ZRANB3: variants seen among roughly 807,000 people sequenced by gnomAD.
ZRANB3 encodes the protein zinc finger RANBP2-type containing 3.
ZRANB3 carries 125 observed loss-of-function variants against 133.8 expected under a neutral mutation model. The observed-to-expected ratio is 0.93, with a 90% confidence interval of 0.81 to 1.08. ZRANB3 has a LOEUF of 1.08. ZRANB3 is among the 50% of genes least tolerant of loss of function. ZRANB3 has a pLI of 0.00. For synonymous variants in ZRANB3, 387 were observed against 432.7 expected (o/e 0.89, Z 1.31); for missense variants, 1,229 against 1,275.5 (o/e 0.96, Z 0.56).
chr2:135,412,028 A>AG lies in ZRANB3; in HGVS notation c.162-21209dup, dbSNP rs534197685. On this transcript the variant is annotated intron_variant, in intron 2 of 20. Transcript: ENST00000264159. ...ATACGGTTATCTCTTACTTAAACTA[A>AG]GGGCTTAGCACTGTGCTTGATGCTC... 1.6e-4 allele frequency among the ~76,000 whole-genome samples: 24 copies of AG among 152,314 alleles called. 1 individual carries two copies. In the South Asian group the frequency reaches 3.7e-3, roughly 24 times the overall value.
chr2:135,408,828 G>C (rs181870980), intron 2 of ZRANB3, among the ~76,000 whole-genome samples: 87 of 152,136 alleles, frequency 5.7e-4, no homozygotes, highest in Non-Finnish European at 8.8e-4. Context: ...CCTGTTGTGG[G>C]GTCGGGGGAT....
At chr2:135,389,429 A>G (rs1029043812) in intron 3 of ZRANB3, among the ~76,000 whole-genome samples, 1 of 152,064 alleles carries the variant, frequency 6.6e-6, no homozygotes, top group African/African-American at 2.4e-5. Flanking sequence ...ACTACAGGCC[A>G]GGCACTGTGG....
At chr2:135,313,708 A>G in intron 7 of ZRANB3, 103 bp from the exon 8 acceptor site, 1 of 621,948 alleles carries the variant, frequency 1.6e-6, no homozygotes, top group South Asian at 3.1e-5. Flanking sequence ...TTCTCTATAG[A>G]AAGATATAAA....
chr2:135,331,834 T>C (rs1684157823), intron 6 of ZRANB3, among the ~76,000 whole-genome samples: 1 of 152,196 alleles, frequency 6.6e-6, no homozygotes, highest in Non-Finnish European at 1.5e-5. Context: ...TGATCTTTGT[T>C]GGTTTAAAGT....
intron 11 of ZRANB3, among the ~76,000 whole-genome samples, chr2:135,267,774 C>T (rs1459439451): frequency 6.6e-6 from 1 of 152,102 alleles, no homozygotes; most frequent in African/African-American, 2.4e-5. Context: ...AAAAACATTT[C>T]ATTGAAAAAC....
chr2:135,275,872 G>T, intron 8 of ZRANB3, 117 bp from the exon 9 acceptor site: 1 of 782,372 alleles, frequency 1.3e-6, no homozygotes, highest in Non-Finnish European at 1.8e-6. Flanking sequence ...ACTTTTAGCT[G>T]CATTGTTCTC....
chr2:135,358,818 T>C (rs1685549704), intron 3 of ZRANB3, among the ~76,000 whole-genome samples: 1 of 152,104 alleles, frequency 6.6e-6, no homozygotes, highest in Non-Finnish European at 1.5e-5. Context: ...CTTACCCTTC[T>C]GCCCCAATTG....
intron 11 of ZRANB3, among the ~76,000 whole-genome samples, chr2:135,266,562 C>A (rs572256513): frequency 6.6e-6 from 1 of 151,702 alleles, no homozygotes; most frequent in Non-Finnish European, 1.5e-5. Context: ...GTCAGGAGTT[C>A]GAGACCAGCC....
At chr2:135,293,279 G>A (rs1681860197) in intron 8 of ZRANB3, among the ~76,000 whole-genome samples, 1 of 151,888 alleles carries the variant, frequency 6.6e-6, no homozygotes. Context: ...ATTGAGCAGT[G>A]GTTTGTAGTT....
Position 135,350,154 on chromosome 2 carries a change from T to C in ZRANB3, c.421A>G (p.Thr141Ala). 2 of 1,612,496 alleles carry C rather than the reference T, an allele frequency of 1.2e-6. No homozygotes were observed. The highest frequency in any genetic ancestry group is 1.7e-6 in the Non-Finnish European group (2 of 1,179,228). Reference sequence around the variant, plus strand: ...TGATTATTCAGTGCATCTATCAAAGTCTTTGCATCTGCGGTTAAGAGACCA... The same window carrying C: ...TGATTATTCAGTGCATCTATCAAAGCCTTTGCATCTGCGGTTAAGAGACCA... ...GYGLLTADAK[T>A]LIDALNNQNF... is the part of the protein sequence containing the mutation. The change falls in exon 5 of 21, where the codon ACT (threonine) becomes GCT (alanine). Residue 141 changes from threonine (T) to alanine (A), a missense_variant. By Grantham distance (58) the Thr-to-Ala change is moderately conservative. Coordinates refer to ENST00000264159, the MANE Select transcript of ZRANB3 (RefSeq NM_032143.4).
chr2:135,387,340 G>A lies in ZRANB3; in HGVS notation c.180+3462C>T, dbSNP rs1574018118. 3.3e-5 allele frequency among the ~76,000 whole-genome samples: 5 copies of A among 152,250 alleles called. No individual in the cohort carries two copies. The South Asian group carries it at 1.0e-3, about 32-fold the overall frequency. On this transcript the variant is annotated intron_variant, in intron 3 of 20. Coordinates refer to ENST00000264159, the MANE Select transcript of ZRANB3 (RefSeq NM_032143.4). Reference sequence around the variant, plus strand: ...CACCACTGTTTTATAATAAAAGCAAGAGAAGGAAAACCATATTAGAAAACA... The same window carrying A: ...CACCACTGTTTTATAATAAAAGCAAAAGAAGGAAAACCATATTAGAAAACA...
chr2:135,455,413 C>A (rs566599661), intron 2 of ZRANB3, among the ~76,000 whole-genome samples: 1 of 151,222 alleles, frequency 6.6e-6, no homozygotes, highest in East Asian at 2.0e-4. Flanking sequence ...GTTTTGAATC[C>A]CTGACTTCAT....
chr2:135,374,335 T>C (rs747865538), intron 3 of ZRANB3, among the ~76,000 whole-genome samples: 31 of 151,788 alleles, frequency 2.0e-4, no homozygotes, highest in Admixed American at 3.3e-4. Context: ...GAACCCAGGA[T>C]TGGGAGGCTG....
Position 135,405,234 on chromosome 2 carries a change from T to A in ZRANB3, c.162-14414A>T, listed in dbSNP as rs533703189. Among the ~76,000 whole-genome samples, 379 of 152,270 alleles carry A rather than the reference T, an allele frequency of 2.5e-3. 3 individuals carry two copies. The highest frequency in any genetic ancestry group is 6.8e-3 in the Middle Eastern group (2 of 294). ...AAAAGAGACAAAGAAGGCCGTTACA[T>A]AATGGTAAAGGGATAAGTTCAACAA... On this transcript the variant is annotated intron_variant, in intron 2 of 20. Transcript: ENST00000264159.
intron 2 of ZRANB3, among the ~76,000 whole-genome samples, chr2:135,497,940 C>T (rs180745131): frequency 6.6e-6 from 1 of 151,934 alleles, no homozygotes; most frequent in African/African-American, 2.4e-5. Flanking sequence ...GTAGTCCCAG[C>T]TACTCAGGAG....
intron 2 of ZRANB3, among the ~76,000 whole-genome samples, chr2:135,418,726 A>G (rs561678332): frequency 1.6e-4 from 25 of 152,180 alleles, no homozygotes; most frequent in Admixed American, 2.0e-4. Context: ...GCAGAGGAGG[A>G]GGTACTAGGA....
chr2:135,422,806 CT>C (rs1332321325), intron 2 of ZRANB3, among the ~76,000 whole-genome samples: 1 of 152,212 alleles, frequency 6.6e-6, no homozygotes, highest in Non-Finnish European at 1.5e-5. Flanking sequence ...ACAAAGTTTT[CT>C]CACATTCTAT....
In ZRANB3 at chr2:135,298,556, C is replaced by A. The variant is rs943727681; in HGVS notation, c.966+14933G>T. Among the ~76,000 whole-genome samples the A allele has an allele frequency of 4.6e-5, 7 of 152,242 alleles. No individual in the cohort carries two copies. In the South Asian group the frequency reaches 1.2e-3, roughly 27 times the overall value. ...CCCCCTTCCCCTAAAGATGGGCCTT[C>A]CTGAGAGCTGGACTGCAGTGATTGT... On this transcript the variant is annotated intron_variant, in intron 8 of 20. Transcript: ENST00000264159.
chr2:135,438,789 T>A (rs16831638), intron 2 of ZRANB3, among the ~76,000 whole-genome samples: 10,537 of 152,164 alleles, frequency 0.069, 760 homozygotes, highest in African/African-American at 0.19. Context: ...ACTAAAAAAA[T>A]ATCTCTGAGG....
Sources: gnomAD v4.1 joint callset for allele counts (sites outside exome capture counted in the v4.1 genomes callset) on GRCh38, gnomAD v4.1.1 for gene constraint, MANE v1.5 for transcripts, NCBI Gene and HGNC (gene_info 2026-07-23, HGNC 2026-07-21) for gene names.